Variants in FCRL6 observed in about 807,000 individuals in gnomAD.
FCRL6 encodes the protein Fc receptor-like protein 6.
Under a neutral mutation model 49.1 loss-of-function variants are expected in FCRL6, and 50 were observed. The observed-to-expected ratio is 1.02, with a 90% CI of 0.81 to 1.29. The LOEUF (loss-of-function observed/expected upper bound fraction) is 1.29. Among genes scored for constraint, FCRL6 ranks in the 50% most tolerant of loss-of-function variants. The pLI is 0.00. For synonymous variants in FCRL6, 213 were observed against 199.6 expected, an observed-to-expected ratio of 1.07 and a Z score of -0.57; for missense variants, 571 against 518.5, an observed-to-expected ratio of 1.10 and a Z score of -0.98.
rs567767976 is a variant in FCRL6 at position 159,808,730 on chromosome 1, C to T, written c.320-231C>T. On this transcript the variant is annotated intron_variant, in intron 3 of 9. Coordinates refer to ENST00000368106, the MANE Select transcript of FCRL6 (RefSeq NM_001004310.3). The stretch of plus-strand genomic sequence containing the variant: ...CCCTTCCCCTCTATGGACTAGAGGA[C>T]TTCGAAGGCCCCCTCTGCCTCTGAC... The T allele has an allele frequency of 1.3e-5, 8 of 606,552 alleles. No homozygotes were observed. In the East Asian group the frequency reaches 2.2e-4, roughly 17 times the overall value. The allele number at this position is 606,552 out of a possible 1,614,324, so 37.6% of individuals were successfully genotyped here.
In FCRL6 at chr1:159,808,985, G is replaced by A. The variant is rs1487084325; in HGVS notation, c.344G>A (p.Ser115Asn). 1 of 1,612,472 alleles carries A rather than the reference G, an allele frequency of 6.2e-7. No homozygotes were observed. The highest frequency in any genetic ancestry group is 8.5e-7 in the Non-Finnish European group (1 of 1,179,078). The part of the protein sequence containing the change: ...VQELFPPPVL[S>N]AIPSPEPREG... ...GAGCTGTTTCCACCTCCTGTGCTGA[G>A]TGCCATCCCCTCTCCTGAGCCCCGA... Residue 115 changes from serine (S) to asparagine (N), a missense_variant, in exon 4 of 10, where the codon AGT becomes AAT. Coordinates refer to ENST00000368106, the MANE Select transcript of FCRL6 (RefSeq NM_001004310.3).
intron 6 of FCRL6, 29 bp from the exon 7 acceptor site, chr1:159,813,460 C>G (rs1293273828): frequency 6.2e-7 from 1 of 1,601,034 alleles, no homozygotes; most frequent in Non-Finnish European, 8.6e-7. Context: ...TAAGGGACAC[C>G]CAGTGAATCA....
upstream of FCRL6, among the ~76,000 whole-genome samples, chr1:159,801,831 C>T (rs781108363): frequency 2.0e-5 from 3 of 152,152 alleles, no homozygotes; most frequent in Non-Finnish European, 4.4e-5. Context: ...TGCCGAAGCT[C>T]CATCTGTGTT....
upstream of FCRL6, chr1:159,800,730 A>G (rs1571079521): frequency 8.4e-6 from 7 of 837,552 alleles, no homozygotes; most frequent in Middle Eastern, 2.2e-4. Context: ...TCCCACTTCC[A>G]CTGAGTCAGA....
Position 159,810,139 on chromosome 1 carries a change from G to A in FCRL6, c.932G>A (p.Trp311Ter). Residue 311 changes from tryptophan (W) to a stop codon, truncating the protein, a stop_gained, in exon 6 of 10, where the codon TGG becomes TAG. Transcript: ENST00000368106. LOFTEE classifies it high-confidence loss of function. ...FTPASNWLVPWLPASLLGLMV... is the reference protein window; with the variant it reads ...FTPASNWLVP ...CCCGCCAGCAACTGGCTGGTTCCTT[G>A]GCTTCCTGCGAGCCTGCTTGGCCTG... 2 of 1,613,820 alleles carry A rather than the reference G, an allele frequency of 1.2e-6. No individual in the cohort carries two copies. The highest frequency in any genetic ancestry group is 1.7e-6 in the Non-Finnish European group (2 of 1,179,904).
intron 3 of FCRL6, 107 bp from the exon 4 acceptor site, chr1:159,808,854 G>A (rs900985260): frequency 2.4e-5 from 29 of 1,226,406 alleles, no homozygotes; most frequent in South Asian, 3.1e-5. Context: ...GCCTCCCATC[G>A]GGGTCCCCGG....
At chr1:159,813,453 G>A in intron 6 of FCRL6, 36 bp from the exon 7 acceptor site, 1 of 1,587,800 alleles carries the variant, frequency 6.3e-7, no homozygotes, top group Non-Finnish European at 8.6e-7. Context: ...TGCCCTCTAA[G>A]GGACACCCAG....
At chr1:159,811,555 T>C (rs142094728) in intron 6 of FCRL6, among the ~76,000 whole-genome samples, 4 of 152,334 alleles carry the variant, frequency 2.6e-5, no homozygotes, top group Non-Finnish European at 5.9e-5. Context: ...AAAAGGTCTC[T>C]TCCCACCCCT....
chr1:159,808,651 G>A (rs1270870272), intron 3 of FCRL6: 2 of 644,900 alleles, frequency 3.1e-6, no homozygotes, highest in Non-Finnish European at 5.4e-6. Context: ...GGGAAGGAGG[G>A]GGGAGATTCT....
intron 6 of FCRL6, among the ~76,000 whole-genome samples, chr1:159,812,506 C>T (rs1401992722): frequency 6.6e-6 from 1 of 152,206 alleles, no homozygotes; most frequent in African/African-American, 2.4e-5. Context: ...ACAGGTTCTG[C>T]TGTGCTTGTT....
In FCRL6 at chr1:159,809,526, T is replaced by C. The variant is rs369929826; in HGVS notation, c.729T>C (p.Leu243=). 5.6e-6 allele frequency: 9 copies of C among 1,614,108 alleles called. No individual in the cohort carries two copies. In the African/African-American group the frequency reaches 6.7e-5, roughly 12 times the overall value. The stretch of plus-strand genomic sequence containing the variant: ...CTCCGATCCTGTATTCCTTCTACCT[T>C]GATGAGAAGATTGTGGGGAACCACT... ...GSPPILYSFY[L]DEKIVGNHSA... The change falls in exon 5 of 10, where the codon CTT becomes CTC. Residue 243 remains leucine, a synonymous_variant. Transcript: ENST00000368106.
upstream of FCRL6, among the ~76,000 whole-genome samples, chr1:159,801,067 T>C (rs1349793337): frequency 6.6e-6 from 1 of 152,126 alleles, no homozygotes; most frequent in Non-Finnish European, 1.5e-5. Context: ...TGAAAATGCT[T>C]CCTAGTATTT....
rs1571105201 is a variant in FCRL6 at position 159,809,783 on chromosome 1, A to T, written c.886+100A>T. ...CCCATCACGACTGGCACAGTGCTGG[A>T]CTCATGGCAGCCACTGCATGACTGA... On this transcript the variant is annotated intron_variant, in intron 5 of 9. Coordinates refer to ENST00000368106, the MANE Select transcript of FCRL6 (RefSeq NM_001004310.3). The T allele has an allele frequency of 1.3e-5, 14 of 1,062,824 alleles. No homozygotes were observed. The South Asian group carries it at 2.0e-4, about 15-fold the overall frequency. The allele number at this position is 1,062,824 out of a possible 1,614,324, so 65.8% of individuals were successfully genotyped here.
At chr1:159,813,602 A>G (rs781626116) in intron 7 of FCRL6, 48 bp downstream of exon 7, 1 of 1,537,924 alleles carries the variant, frequency 6.5e-7, no homozygotes, top group Non-Finnish European at 9.0e-7. Context: ...GGCCAAAAAG[A>G]GCTTCTTAAG....
chr1:159,805,990 T>A (rs1338220278), intron 1 of FCRL6, among the ~76,000 whole-genome samples: 5 of 152,212 alleles, frequency 3.3e-5, no homozygotes, highest in Non-Finnish European at 7.3e-5. Flanking sequence ...AAGGAAAACA[T>A]TCATGCATTT....
Position 159,810,195 on chromosome 1 carries a change from G to T in FCRL6, c.988G>T (p.Val330Leu), listed in dbSNP as rs73030822. 13,443 of 1,613,110 alleles carry T rather than the reference G, an allele frequency of 8.3e-3. 893 individuals carry two copies. In the African/African-American group the frequency reaches 0.15, roughly 18 times the overall value. Residue 330 changes from valine to leucine, a missense_variant, in exon 6 of 10, where the codon GTG (valine) becomes TTG (leucine). Coordinates refer to ENST00000368106, the MANE Select transcript of FCRL6 (RefSeq NM_001004310.3). ...MVIAAALLVY[V>L]RSWRKAGPLP... ...TATTGCTGCTGCACTTCTGGTTTAT[G>T]TGAGATCCTGGAGAAAAGCTGGTCA...
In FCRL6 at chr1:159,816,176, T is replaced by C; in HGVS notation, c.*515T>C. 5.9e-6 allele frequency: 1 copy of C among 169,580 alleles called. No individual in the cohort carries two copies. Among genetic ancestry groups the C allele is most frequent in the Non-Finnish European group, 1.3e-5 (1 of 76,288 alleles). 10.5% of individuals were successfully genotyped at this position (169,580 alleles called of 1,614,324 possible). ...AAACAAGCTACAGCGCCGCTAGTCA[T>C]ATACAAATATAGCACATACAATTAT... On this transcript the variant is annotated 3_prime_UTR_variant, in exon 10 of 10. Coordinates refer to ENST00000368106, the MANE Select transcript of FCRL6 (RefSeq NM_001004310.3).
At chr1:159,810,296 A>C in intron 6 of FCRL6, 80 bp downstream of exon 6, 1 of 1,500,806 alleles carries the variant, frequency 6.7e-7, no homozygotes, top group Non-Finnish European at 8.9e-7. Context: ...CCAGAGTCTG[A>C]CAGGACCAGC....
intron 8 of FCRL6, among the ~76,000 whole-genome samples, chr1:159,815,100 A>G (rs1465573630): frequency 2.0e-5 from 3 of 152,100 alleles, no homozygotes; most frequent in African/African-American, 7.3e-5. Context: ...CTGCCCTGCT[A>G]ATTCAGTTCC....
Sources: gnomAD v4.1 joint callset for allele counts (sites outside exome capture counted in the v4.1 genomes callset) on GRCh38, gnomAD v4.1.1 for gene constraint, MANE v1.5 for transcripts, NCBI Gene and HGNC (gene_info 2026-07-23, HGNC 2026-07-21) for gene names.